Variants in NALF1 observed in about 807,000 individuals in gnomAD.
NALF1 encodes NALCN channel auxiliary factor 1, also known as family with sequence similarity 155 member A.
Under a neutral mutation model 48.4 loss-of-function variants are expected in NALF1, and 3 were observed. The observed-to-expected ratio is 0.06, with a 90% CI of 0.03 to 0.16. The LOEUF (loss-of-function observed/expected upper bound fraction) is 0.16. Among genes scored for constraint, NALF1 ranks in the 10% least tolerant of loss-of-function variants. NALF1 has a pLI of 1.00. For synonymous variants in NALF1, 262 were observed against 245.7 expected (o/e 1.07, Z -0.62); for missense variants, 526 against 571.5 (o/e 0.92, Z 0.81).
chr13:107,305,114 T>A (rs764600855), intron 1 of NALF1, among the ~76,000 whole-genome samples: 14 of 152,186 alleles, frequency 9.2e-5, no homozygotes, highest in Non-Finnish European at 1.5e-4. Flanking sequence ...AGCCTCACAC[T>A]CCCCAGTTAG....
intron 1 of NALF1, among the ~76,000 whole-genome samples, chr13:107,751,397 A>G (rs1298023958): frequency 6.6e-6 from 1 of 152,246 alleles, no homozygotes; most frequent in East Asian, 1.9e-4. Flanking sequence ...CAGGTAAAAT[A>G]GTTATAGCTA....
At chr13:107,193,306 T>C (rs1017357657) in intron 2 of NALF1, among the ~76,000 whole-genome samples, 4 of 152,154 alleles carry the variant, frequency 2.6e-5, no homozygotes, top group Admixed American at 2.6e-4. Flanking sequence ...TCAGAGACCG[T>C]TTTTTACTGT....
At chr13:107,735,986 C>T (rs1876456378) in intron 1 of NALF1, among the ~76,000 whole-genome samples, 1 of 152,080 alleles carries the variant, frequency 6.6e-6, no homozygotes, top group Non-Finnish European at 1.5e-5. Flanking sequence ...CTCATTTTAT[C>T]TTGTCTGACA....
chr13:107,565,287 A>G (rs1401481485), intron 1 of NALF1, among the ~76,000 whole-genome samples: 1 of 150,994 alleles, frequency 6.6e-6, no homozygotes, highest in Non-Finnish European at 1.5e-5. Flanking sequence ...TGGGAGACTC[A>G]TGCCAGAGCG....
At chr13:107,479,927 C>A (rs1462208420) in intron 1 of NALF1, among the ~76,000 whole-genome samples, 3 of 151,996 alleles carry the variant, frequency 2.0e-5, no homozygotes, top group African/African-American at 7.2e-5. Context: ...TCTCTCTCTG[C>A]AATTTTTACC....
chr13:107,782,725 A>T lies in NALF1; in HGVS notation c.915+82957T>A, dbSNP rs1877934179. On this transcript the variant is annotated intron_variant, in intron 1 of 2. Transcript: ENST00000375915. Reference sequence around the variant, plus strand: ...CCGCCGCCCCGTCTGGGATGTGAGGAGCGCCTCTGCCCGGTCGCGACCCCG... The same window carrying T: ...CCGCCGCCCCGTCTGGGATGTGAGGTGCGCCTCTGCCCGGTCGCGACCCCG... Among the ~76,000 whole-genome samples, 4 of 142,408 alleles carry T rather than the reference A, an allele frequency of 2.8e-5. No individual in the cohort carries two copies. The South Asian group carries it at 9.2e-4, about 33-fold the overall frequency. 93.4% of individuals were successfully genotyped at this position (142,408 alleles called of 152,430 possible). A position where few individuals can be genotyped will look rare whatever the true frequency, so the allele number is the denominator to read the frequency against.
At chr13:107,849,962 T>G (rs1457878209) in intron 1 of NALF1, among the ~76,000 whole-genome samples, 1 of 152,238 alleles carries the variant, frequency 6.6e-6, no homozygotes, top group Non-Finnish European at 1.5e-5. Context: ...GCTAATACTT[T>G]TAGTAATTTA....
At chr13:107,755,622 A>G (rs563056859) in intron 1 of NALF1, among the ~76,000 whole-genome samples, 1 of 151,532 alleles carries the variant, frequency 6.6e-6, no homozygotes, top group South Asian at 2.1e-4. Flanking sequence ...AACTGCCACA[A>G]CTCCTATAAT....
At chr13:107,726,643 T>C (rs1174558842) in intron 1 of NALF1, among the ~76,000 whole-genome samples, 14 of 144,056 alleles carry the variant, frequency 9.7e-5, no homozygotes, top group Non-Finnish European at 2.1e-4. Flanking sequence ...GGAGTCTCAC[T>C]CTGTTGCCCA....
At chr13:107,523,815 T>C (rs906101610) in intron 1 of NALF1, among the ~76,000 whole-genome samples, 2 of 152,120 alleles carry the variant, frequency 1.3e-5, no homozygotes, top group East Asian at 3.9e-4. Context: ...TTTCTGATTA[T>C]GAAAATATGT....
intron 1 of NALF1, among the ~76,000 whole-genome samples, chr13:107,782,382 T>C (rs1402626110): frequency 6.6e-6 from 1 of 152,124 alleles, no homozygotes; most frequent in Non-Finnish European, 1.5e-5. Flanking sequence ...TGGAGTGCAG[T>C]GGCGTGATCT....
At chr13:107,394,679 A>G (rs1258722013) in intron 1 of NALF1, among the ~76,000 whole-genome samples, 1 of 152,214 alleles carries the variant, frequency 6.6e-6, no homozygotes, top group East Asian at 1.9e-4. Context: ...AAATTCCATT[A>G]TTAGACTTTT....
intron 1 of NALF1, among the ~76,000 whole-genome samples, chr13:107,378,074 T>C (rs1156581505): frequency 6.6e-6 from 1 of 152,188 alleles, no homozygotes; most frequent in Non-Finnish European, 1.5e-5. Flanking sequence ...CCTCAGATTT[T>C]AAACAAAGTT....
intron 1 of NALF1, among the ~76,000 whole-genome samples, chr13:107,372,610 C>T (rs1194377937): frequency 1.3e-5 from 2 of 152,162 alleles, no homozygotes; most frequent in Admixed American, 1.3e-4. Flanking sequence ...GATAGTCATA[C>T]AAACTTGATT....
chr13:107,618,350 C>G (rs1374075019), intron 1 of NALF1, among the ~76,000 whole-genome samples: 1 of 152,062 alleles, frequency 6.6e-6, no homozygotes, highest in African/African-American at 2.4e-5. Flanking sequence ...GTGTTGTGAG[C>G]AAAGGGAGGA....
In NALF1 at chr13:107,867,461, G is replaced by A. The variant is rs965217605; in HGVS notation, c.-865C>T. 2.7e-5 allele frequency among the ~76,000 whole-genome samples: 4 copies of A among 149,422 alleles called. No individual in the cohort carries two copies. Among genetic ancestry groups the A allele is most frequent in the African/African-American group, 9.7e-5 (4 of 41,170 alleles). On this transcript the variant is annotated 5_prime_UTR_variant, in exon 1 of 3. Coordinates refer to ENST00000375915, the MANE Select transcript of NALF1 (RefSeq NM_001080396.3). This position sits in a 1 kb window ranked among gnomAD's most constrained non-coding sequence, Gnocchi z 4.4. Reference sequence around the variant, plus strand: ...CAGTCATCTTCAGTCCGCGGGCTAAGTTGCCGCCATCTTCGTCCTGGAGAA... The same window carrying A: ...CAGTCATCTTCAGTCCGCGGGCTAAATTGCCGCCATCTTCGTCCTGGAGAA...
intron 1 of NALF1, among the ~76,000 whole-genome samples, chr13:107,531,483 G>C (rs1179896479): frequency 6.6e-6 from 1 of 152,050 alleles, no homozygotes; most frequent in African/African-American, 2.4e-5. Flanking sequence ...AAAGCCTGAA[G>C]AATCATGAGC....
At chr13:107,863,530 G>A (rs1880633251) in intron 1 of NALF1, among the ~76,000 whole-genome samples, 1 of 152,120 alleles carries the variant, frequency 6.6e-6, no homozygotes, top group Non-Finnish European at 1.5e-5. Flanking sequence ...ACGTCTGCAC[G>A]ACATAACATG....
chr13:107,657,362 A>C (rs560002658), intron 1 of NALF1, among the ~76,000 whole-genome samples: 2 of 152,234 alleles, frequency 1.3e-5, no homozygotes, highest in Admixed American at 1.3e-4. Flanking sequence ...TGCCATCATC[A>C]AATAGCAGCT....
Sources: allele counts gnomAD v4.1 joint callset (sites outside exome capture counted in the v4.1 genomes callset), GRCh38; gene constraint gnomAD v4.1.1; non-coding constraint Gnocchi (gnomAD v3.1); transcripts MANE v1.5; gene names NCBI Gene and HGNC (gene_info 2026-07-23, HGNC 2026-07-21).